Variants in EEF1G observed in about 807,000 individuals in gnomAD.
EEF1G encodes eukaryotic translation elongation factor 1 gamma, also known as elongation factor 1-gamma.
In EEF1G, 14 loss-of-function variants were observed where a neutral mutation model predicts 58.3. The ratio of observed to expected loss-of-function variants is 0.24; its 90% confidence interval spans 0.16 to 0.38. The LOEUF (loss-of-function observed/expected upper bound fraction) is 0.38, where lower values mean the gene tolerates loss of function less well. EEF1G is among the 10% of genes least tolerant of loss of function. The probability of loss-of-function intolerance (pLI) is 1.00; values close to 1 mark genes in which losing one functional copy is unlikely to be tolerated. For missense variants in EEF1G, 322 were observed against 550.1 expected, an observed-to-expected ratio of 0.59 and a Z score of 4.15; for synonymous variants, 180 against 206.8, an observed-to-expected ratio of 0.87 and a Z score of 1.11.
intron 6 of EEF1G, 114 bp from the exon 7 acceptor site, chr11:62,567,124 G>A (rs1565261506): frequency 4.2e-6 from 5 of 1,190,818 alleles, no homozygotes; most frequent in Non-Finnish European, 4.8e-6. Context: ...GGACAAGTAA[G>A]GAACTTAGGC....
At chr11:62,562,982 C>T (rs1362641806) in intron 7 of EEF1G, among the ~76,000 whole-genome samples, 2 of 151,772 alleles carry the variant, frequency 1.3e-5, no homozygotes, top group African/African-American at 4.8e-5. Flanking sequence ...CCATGGCTCA[C>T]GCCTGTAATC....
chr11:62,566,764 G>C, intron 7 of EEF1G, 42 bp downstream of exon 7: 1 of 1,588,718 alleles, frequency 6.3e-7, no homozygotes, highest in Non-Finnish European at 8.6e-7. Flanking sequence ...GTGAGAACAG[G>C]CCTTCTTTGG....
rs1061093 is a variant in EEF1G, at chr11:62,567,436, G to C, written c.615C>G (p.Gly205=). The C allele has an allele frequency of 0.33, 528,654 of 1,610,754 alleles. 92,603 individuals carry two copies. Among genetic ancestry groups the C allele is most frequent in the Non-Finnish European group, 0.37 (434,624 of 1,178,234 alleles). Residue 205 remains glycine (G), a synonymous_variant, in exon 6 of 10, where the codon GGC becomes GGG. Transcript: ENST00000329251. ...INQPQFRAVL[G]EVKLCEKMAQ... is the part of the protein sequence containing the mutation. ...CCATCTTCTCACACAGTTTCACTTCGCCCAAGACAGCCCGGAACTGGGGCT... is the reference window on the plus strand; with the variant it reads ...CCATCTTCTCACACAGTTTCACTTCCCCCAAGACAGCCCGGAACTGGGGCT...
rs142043663 is a variant in EEF1G, at chr11:62,562,061, G to A, written c.858-1607C>T. On this transcript the variant is annotated intron_variant, in intron 7 of 9. Coordinates refer to ENST00000329251, the MANE Select transcript of EEF1G (RefSeq NM_001404.5). ...AACATAAAGCCTTGAGTTGTGTCCCGCATAGCCCCATATCTAATTATAATG... is the reference window on the plus strand; with the variant it reads ...AACATAAAGCCTTGAGTTGTGTCCCACATAGCCCCATATCTAATTATAATG... Among the ~76,000 whole-genome samples, 65 of 152,254 alleles carry A rather than the reference G, an allele frequency of 4.3e-4. No homozygotes were observed. The East Asian group carries it at 0.01, about 24-fold the overall frequency.
intron 7 of EEF1G, among the ~76,000 whole-genome samples, chr11:62,565,783 G>A (rs1015741952): frequency 1.2e-4 from 18 of 152,074 alleles, no homozygotes; most frequent in African/African-American, 4.1e-4. Flanking sequence ...CAAAATACCC[G>A]GGAGTAAGAA....
chr11:62,559,912 C>A (rs2134288759), intron 9 of EEF1G, 75 bp from the exon 10 acceptor site: 1 of 1,611,264 alleles, frequency 6.2e-7, no homozygotes, highest in Middle Eastern at 1.7e-4. Flanking sequence ...AGCTCAAACA[C>A]ATGTCATCAG....
At chr11:62,571,492 G>C (rs1394503728) in intron 4 of EEF1G, 48 bp downstream of exon 4, 1 of 1,556,788 alleles carries the variant, frequency 6.4e-7, no homozygotes, top group Admixed American at 1.9e-5. Context: ...ACACCCAGGA[G>C]CTGATGCCAC....
Position 62,571,619 on chromosome 11 carries a change from C to G in EEF1G, c.299G>C (p.Ser100Thr). ...EAAAQVVQWV[S>T]FADSDIVPPA... ...GGGCACTATATCGGAATCAGCAAAGCTCACCCACTGCACCACCTGGGCTGC... is the reference window on the plus strand; with the variant it reads ...GGGCACTATATCGGAATCAGCAAAGGTCACCCACTGCACCACCTGGGCTGC... The change falls in exon 4 of 10, where the codon AGC becomes ACC. Residue 100 changes from serine to threonine, a missense_variant. Coordinates refer to ENST00000329251, the MANE Select transcript of EEF1G (RefSeq NM_001404.5). The G allele has an allele frequency of 6.3e-7, 1 of 1,588,010 alleles. No homozygotes were observed. The highest frequency in any genetic ancestry group is 8.6e-7 in the Non-Finnish European group (1 of 1,167,172).
At chr11:62,573,040 G>GCTCCATCAGA (rs371740036) in intron 1 of EEF1G, 58 of 224,728 alleles carry the variant, frequency 2.6e-4, no homozygotes, top group African/African-American at 1.3e-3. Flanking sequence ...AGAACTTCTA[G>GCTCCATCAGA]CTCCATCAGA....
chr11:62,572,544 T>A (rs1941647316), intron 2 of EEF1G, 40 bp downstream of exon 2: 2 of 1,608,984 alleles, frequency 1.2e-6, no homozygotes, highest in African/African-American at 1.3e-5. Context: ...AGGGCCTTGG[T>A]TTCTCAGAAC....
Position 62,559,602 on chromosome 11 carries a change from T to C in EEF1G, c.*77A>G. 1 of 1,550,606 alleles carries C rather than the reference T, an allele frequency of 6.4e-7. No homozygotes were observed. The highest frequency in any genetic ancestry group is 1.2e-5 in the South Asian group (1 of 86,196). ...CAAAGGAGGCAGGACAGGAAAGGGT[T>C]CAATGTTCAGTTTCCTTTAATGACC... On this transcript the variant is annotated 3_prime_UTR_variant, in exon 10 of 10. Coordinates refer to ENST00000329251, the MANE Select transcript of EEF1G (RefSeq NM_001404.5).
chr11:62,566,657 A>T lies in EEF1G; in HGVS notation c.857+149T>A, dbSNP rs987760707. On this transcript the variant is annotated intron_variant, in intron 7 of 9. Transcript: ENST00000329251. ...TTTGCCCAATTCCTGATTATCAGCC[A>T]GAAAGCTGCTTTATTTGCAACTAAA... 6.5e-6 allele frequency: 5 copies of T among 773,688 alleles called. No homozygotes were observed. In the African/African-American group the frequency reaches 8.8e-5, roughly 14 times the overall value. 47.9% of individuals were successfully genotyped at this position (773,688 alleles called of 1,614,324 possible). A position where few individuals can be genotyped will look rare whatever the true frequency, so the allele number is the denominator to read the frequency against.
intron 9 of EEF1G, 79 bp from the exon 10 acceptor site, chr11:62,559,916 T>TC: frequency 6.2e-7 from 1 of 1,610,386 alleles, no homozygotes. Flanking sequence ...CAAACACATG[T>TC]CATCAGACCC....
At chr11:62,571,272 C>T (rs1941627568) in intron 4 of EEF1G, among the ~76,000 whole-genome samples, 164 bp from the exon 5 acceptor site, 1 of 152,150 alleles carries the variant, frequency 6.6e-6, no homozygotes, top group Admixed American at 6.5e-5. Context: ...GTATTACAAA[C>T]AATGAACTTC....
intron 2 of EEF1G, among the ~76,000 whole-genome samples, chr11:62,572,346 CAA>C (rs1183024276): frequency 6.6e-6 from 1 of 152,150 alleles, no homozygotes; most frequent in African/African-American, 2.4e-5. Context: ...AATGCTTAGT[CAA>C]AACTCATTCT....
At position 62,560,474 on chromosome 11, in the gene EEF1G, G is replaced by C; in HGVS notation, c.858-20C>G. ...AAGGTACTAAGAGGAAGAAAGCACAGGGGTCAATCAATAAGGAGGAAGGTT... is the reference window on the plus strand; with the variant it reads ...AAGGTACTAAGAGGAAGAAAGCACACGGGTCAATCAATAAGGAGGAAGGTT... On this transcript the variant is annotated intron_variant, in intron 7 of 9. Transcript: ENST00000329251. 1.2e-6 allele frequency: 2 copies of C among 1,605,588 alleles called. No individual in the cohort carries two copies. The highest frequency in any genetic ancestry group is 1.7e-6 in the Non-Finnish European group (2 of 1,175,596).
At chr11:62,568,183 G>A (rs1024886051) in intron 5 of EEF1G, among the ~76,000 whole-genome samples, 13 of 149,024 alleles carry the variant, frequency 8.7e-5, no homozygotes, top group South Asian at 6.5e-4. Flanking sequence ...AGCGGAGATC[G>A]CGGCACTGCA....
At chr11:62,568,886 T>C (rs1941590268) in intron 5 of EEF1G, among the ~76,000 whole-genome samples, 1 of 151,024 alleles carries the variant, frequency 6.6e-6, no homozygotes, top group African/African-American at 2.4e-5. Context: ...GGCAAGAGAA[T>C]CACTTGAACC....
At chr11:62,563,310 T>G (rs1314873462) in intron 7 of EEF1G, among the ~76,000 whole-genome samples, 3 of 151,968 alleles carry the variant, frequency 2.0e-5, no homozygotes, top group African/African-American at 7.2e-5. Context: ...GTACTTTTTG[T>G]ATTTTTAGTA....
Sources: gnomAD v4.1 joint callset for allele counts (sites outside exome capture counted in the v4.1 genomes callset) on GRCh38, gnomAD v4.1.1 for gene constraint, MANE v1.5 for transcripts, NCBI Gene and HGNC (gene_info 2026-07-23, HGNC 2026-07-21) for gene names.